Variants in SLIT3 observed in about 807,000 individuals in gnomAD.
The protein encoded by SLIT3 is slit homolog 3 protein.
In SLIT3, 68 loss-of-function variants were observed where a neutral mutation model predicts 184.0. The observed-to-expected ratio is 0.37, with a 90% CI of 0.30 to 0.45. The LOEUF (loss-of-function observed/expected upper bound fraction) is 0.45. SLIT3 is among the 20% of genes least tolerant of loss of function. The pLI is 1.00. For missense variants in SLIT3, 1,707 were observed against 2,026.0 expected, an observed-to-expected ratio of 0.84 and a Z score of 3.02; for synonymous variants, 831 against 828.6, an observed-to-expected ratio of 1.00 and a Z score of -0.05.
intron 20 of SLIT3, among the ~76,000 whole-genome samples, chr5:168,743,652 T>G (rs1180514917): frequency 2.0e-5 from 3 of 152,130 alleles, no homozygotes; most frequent in Non-Finnish European, 4.4e-5. Context: ...AATCAAAAGA[T>G]AGAAATGATG....
intron 4 of SLIT3, among the ~76,000 whole-genome samples, chr5:169,040,211 G>A (rs1368590865): frequency 6.6e-6 from 1 of 152,180 alleles, no homozygotes; most frequent in Non-Finnish European, 1.5e-5. Context: ...GCTCTGTTAG[G>A]AATTCCCTTG....
chr5:168,787,110 G>A (rs938294832), intron 11 of SLIT3, among the ~76,000 whole-genome samples: 3 of 152,138 alleles, frequency 2.0e-5, no homozygotes, highest in Non-Finnish European at 2.9e-5. Flanking sequence ...ATCAGCCTAC[G>A]GGTGTGTTTC....
At chr5:169,131,803 A>C (rs998059869) in intron 4 of SLIT3, among the ~76,000 whole-genome samples, 8 of 152,236 alleles carry the variant, frequency 5.3e-5, no homozygotes, top group Non-Finnish European at 4.4e-5. Flanking sequence ...CAAAAGCATG[A>C]ACTCCCTGTA....
intron 4 of SLIT3, among the ~76,000 whole-genome samples, chr5:169,023,134 C>T (rs1756665704): frequency 6.6e-6 from 1 of 152,066 alleles, no homozygotes; most frequent in Non-Finnish European, 1.5e-5. Context: ...ATATTTTCAT[C>T]ATTTTGGATG....
At position 168,806,527 on chromosome 5, in the gene SLIT3, G is replaced by A. The variant is rs139280916; in HGVS notation, c.854C>T (p.Thr285Met). 2.8e-5 allele frequency: 45 copies of A among 1,614,212 alleles called. No individual in the cohort carries two copies. The highest frequency in any genetic ancestry group is 3.3e-4 in the Middle Eastern group (2 of 6,062). Residue 285 changes from threonine to methionine, a missense_variant, in exon 9 of 36, where the codon ACG becomes ATG. This residue lies in a region of SLIT3 where 1,307 missense variants were observed against 1,511.6 expected (regional missense o/e 0.86). Coordinates refer to ENST00000519560, the MANE Select transcript of SLIT3 (RefSeq NM_003062.4). ...ACAGTCCACGATGTTATTGCTGCAC[G>A]TGCAGGGCGAAGGGCAGGAGATGGA... ...ANSISCPSPC[T>M]CSNNIVDCRG...
intron 3 of SLIT3, among the ~76,000 whole-genome samples, chr5:169,221,580 A>C (rs1764620363): frequency 6.6e-6 from 1 of 152,208 alleles, no homozygotes; most frequent in Non-Finnish European, 1.5e-5. Flanking sequence ...CCAGGGGCGC[A>C]GGGTGGGATT....
chr5:168,827,034 G>A (rs1035826169), intron 6 of SLIT3, among the ~76,000 whole-genome samples: 11 of 152,188 alleles, frequency 7.2e-5, no homozygotes, highest in Non-Finnish European at 1.5e-4. Context: ...AAAGTGCTGG[G>A]ATTACAGGTG....
chr5:168,684,204 C>T (rs1331250346), intron 31 of SLIT3, 108 bp from the exon 32 acceptor site: 71 of 1,179,010 alleles, frequency 6.0e-5, no homozygotes, highest in African/African-American at 7.8e-5. Flanking sequence ...ATCTGTGCTG[C>T]GTCTAAATTC....
At chr5:169,191,063 C>T (rs1763535882) in intron 4 of SLIT3, among the ~76,000 whole-genome samples, 1 of 152,158 alleles carries the variant, frequency 6.6e-6, no homozygotes, top group African/African-American at 2.4e-5. Flanking sequence ...ACATAGAGAA[C>T]TGGGCATCCT....
At chr5:168,786,019 G>T in intron 11 of SLIT3, 41 bp from the exon 12 acceptor site, 3 of 1,395,124 alleles carry the variant, frequency 2.2e-6, no homozygotes, top group Non-Finnish European at 3.1e-6. Flanking sequence ...CTGTGGATGT[G>T]AGGCCACCAG....
chr5:169,008,436 G>A (rs1011737223), intron 4 of SLIT3, among the ~76,000 whole-genome samples: 2 of 152,194 alleles, frequency 1.3e-5, no homozygotes, highest in Non-Finnish European at 2.9e-5. Context: ...AGAGGCCATA[G>A]CAATAGCTAG....
rs563565894 is a variant in SLIT3 at position 169,117,996 on chromosome 5, C to T, written c.413+75483G>A. On this transcript the variant is annotated intron_variant, in intron 4 of 35. Transcript: ENST00000519560. ...GGTTGTCACATTCTATGATGTGTGC[C>T]TTTTGCCTTCCCACTTGAATATTTT... 3.5e-3 allele frequency among the ~76,000 whole-genome samples: 527 copies of T among 152,260 alleles called. 6 individuals are homozygous for T. The highest frequency in any genetic ancestry group is 0.011 in the African/African-American group (463 of 41,546).
chr5:169,294,280 G>A (rs1767438643), intron 1 of SLIT3, among the ~76,000 whole-genome samples: 4 of 148,522 alleles, frequency 2.7e-5, no homozygotes, highest in African/African-American at 5.0e-5. Context: ...AAAAAGTCAG[G>A]GCCAAAAATT....
chr5:169,189,728 C>T (rs1321444366), intron 4 of SLIT3, among the ~76,000 whole-genome samples: 2 of 151,646 alleles, frequency 1.3e-5, no homozygotes, highest in Non-Finnish European at 2.9e-5. Flanking sequence ...CCTGGTTCTG[C>T]CGCTAAGTAG....
chr5:168,951,562 C>T (rs1277481834), intron 4 of SLIT3, among the ~76,000 whole-genome samples: 2 of 152,198 alleles, frequency 1.3e-5, no homozygotes, highest in African/African-American at 2.4e-5. Context: ...GTATTTAAGG[C>T]ATAGTGACTT....
intron 4 of SLIT3, among the ~76,000 whole-genome samples, chr5:169,158,814 AAAAG>A (rs1303833096): frequency 6.6e-6 from 1 of 152,232 alleles, no homozygotes; most frequent in Admixed American, 6.5e-5. Flanking sequence ...GCTATACAGA[AAAAG>A]AATCAAAAAC....
intron 4 of SLIT3, among the ~76,000 whole-genome samples, chr5:169,083,796 C>A (rs1234179162): frequency 6.6e-6 from 1 of 152,136 alleles, no homozygotes; most frequent in Non-Finnish European, 1.5e-5. Flanking sequence ...TTCTCAGCAC[C>A]CCAGGGGGTG....
chr5:168,701,914 C>T (rs541315945), intron 26 of SLIT3, among the ~76,000 whole-genome samples: 2 of 152,334 alleles, frequency 1.3e-5, no homozygotes, highest in African/African-American at 4.8e-5. Flanking sequence ...TTCCTGGCTG[C>T]GACGCTGCAG....
At chr5:168,880,668 C>T (rs12186698) in intron 5 of SLIT3, among the ~76,000 whole-genome samples, 9,308 of 152,186 alleles carry the variant, frequency 0.061, 381 homozygotes, top group Middle Eastern at 0.12. Context: ...AACTATTATC[C>T]TCATTTTATA....
Sources: allele counts gnomAD v4.1 joint callset (sites outside exome capture counted in the v4.1 genomes callset), GRCh38; gene constraint gnomAD v4.1.1; regional missense constraint gnomAD v4.1.1; transcripts MANE v1.5; gene names NCBI Gene and HGNC (gene_info 2026-07-23, HGNC 2026-07-21).